The following RNF13 variants were observed in gnomAD, a reference collection of about 807,000 sequenced individuals.
RNF13 encodes the protein E3 ubiquitin-protein ligase RNF13.
A neutral mutation model predicts 37.7 loss-of-function variants in RNF13; 19 were observed. The ratio of observed to expected loss-of-function variants is 0.50; its 90% CI spans 0.35 to 0.74. The LOEUF is 0.74. RNF13 is among the 30% of genes least tolerant of loss of function. RNF13 has a pLI of 0.01. For missense variants in RNF13, 375 were observed against 453.0 expected (o/e 0.83, Z 1.56); for synonymous variants, 144 against 157.8 (o/e 0.91, Z 0.65).
chr3:149,875,993 A>T (rs1712647072), intron 4 of RNF13, among the ~76,000 whole-genome samples: 1 of 31,062 alleles, frequency 3.2e-5, no homozygotes. Context: ...ATCTGTAAAA[A>T]TACCTAGTAA....
chr3:149,946,638 CTA>C (rs1720794214), intron 8 of RNF13, among the ~76,000 whole-genome samples: 1 of 152,080 alleles, frequency 6.6e-6, no homozygotes, highest in African/African-American at 2.4e-5. Context: ...CTTTTTATTT[CTA>C]TGACATCAGT....
upstream of RNF13, chr3:149,812,963 G>C (rs1165380573): frequency 6.6e-6 from 1 of 152,584 alleles, no homozygotes; most frequent in East Asian, 1.9e-4. Flanking sequence ...CCTCTGCCAA[G>C]AGCAGCTTCT....
intron 8 of RNF13, among the ~76,000 whole-genome samples, chr3:149,946,633 T>G (rs1720793954): frequency 6.7e-6 from 1 of 148,500 alleles, no homozygotes; most frequent in East Asian, 1.9e-4. Flanking sequence ...TAATTCTTTT[T>G]ATTTCTATGA....
intron 1 of RNF13, among the ~76,000 whole-genome samples, chr3:149,820,015 C>T (rs1719867516): frequency 6.6e-6 from 1 of 151,930 alleles, no homozygotes; most frequent in Non-Finnish European, 1.5e-5. Context: ...AATATTCAGA[C>T]ATTAAAACAT....
At chr3:149,945,538 A>G (rs941038490) in intron 8 of RNF13, among the ~76,000 whole-genome samples, 8 of 152,204 alleles carry the variant, frequency 5.3e-5, no homozygotes, top group Non-Finnish European at 8.8e-5. Context: ...GCAGACTTAA[A>G]TGTCCCTGTC....
At chr3:149,895,121 C>T (rs1387364384) in intron 4 of RNF13, 1 of 160,632 alleles carries the variant, frequency 6.2e-6, no homozygotes, top group African/African-American at 2.4e-5. Context: ...GTGTGTTAGG[C>T]ATGGTATTAA....
At chr3:149,851,072 C>A (rs1723076608) in intron 2 of RNF13, 1 of 152,170 alleles carries the variant, frequency 6.6e-6, no homozygotes, top group Admixed American at 6.5e-5. Context: ...CACACAGTTT[C>A]CTGAGCTAAT....
intron 8 of RNF13, among the ~76,000 whole-genome samples, chr3:149,948,099 G>A (rs780910858): frequency 3.9e-5 from 6 of 152,084 alleles, no homozygotes; most frequent in Admixed American, 2.0e-4. Context: ...ACAGGCACAC[G>A]CCACCATGTC....
chr3:149,874,373 A>G (rs1157892939), intron 4 of RNF13, among the ~76,000 whole-genome samples: 1 of 152,114 alleles, frequency 6.6e-6, no homozygotes, highest in Non-Finnish European at 1.5e-5. Context: ...TAGCAGTATG[A>G]TCTTGGACAA....
chr3:149,938,533 CCTCT>C (rs1017775415), intron 8 of RNF13, among the ~76,000 whole-genome samples: 2 of 150,266 alleles, frequency 1.3e-5, no homozygotes, highest in Non-Finnish European at 3.0e-5. Context: ...TTATGTAATG[CCTCT>C]CTATCTGTGA....
chr3:149,861,054 G>A (rs1724200971), intron 3 of RNF13, among the ~76,000 whole-genome samples: 1 of 151,990 alleles, frequency 6.6e-6, no homozygotes, highest in African/African-American at 2.4e-5. Flanking sequence ...CAAAACCACA[G>A]CGAGATAGCA....
At position 149,828,096 on chromosome 3, in the gene RNF13, T is replaced by C. The variant is rs144335928; in HGVS notation, c.-17+14743T>C. Among the ~76,000 whole-genome samples, 541 of 152,334 alleles carry C rather than the reference T, an allele frequency of 3.6e-3. 2 individuals are homozygous for C. Among genetic ancestry groups the C allele is most frequent in the Admixed American group, 7.1e-3 (109 of 15,296 alleles). On this transcript the variant is annotated intron_variant, in intron 1 of 9. Transcript: ENST00000392894. ...CGAGTCATTGGACTTCTCAGCTTTT[T>C]GTTCAGAAATTGCAAAAATTAAAGG...
intron 1 of RNF13, among the ~76,000 whole-genome samples, chr3:149,841,490 C>T (rs573471996): frequency 6.6e-6 from 1 of 152,232 alleles, no homozygotes; most frequent in African/African-American, 2.4e-5. Flanking sequence ...TATTTTAGTT[C>T]CTGGGTAACA....
In RNF13 at chr3:149,955,317, G is replaced by T. The variant is rs1048689845; in HGVS notation, c.701-4739G>T. Among the ~76,000 whole-genome samples, 48 of 151,412 alleles carry T rather than the reference G, an allele frequency of 3.2e-4. 2 individuals carry two copies. The highest frequency in any genetic ancestry group is 3.0e-3 in the Admixed American group (46 of 15,210). On this transcript the variant is annotated intron_variant, in intron 8 of 9. Coordinates refer to ENST00000392894, the MANE Select transcript of RNF13 (RefSeq NM_183381.3). ...ATAAAATTTTACTCTAGCTATTAAA[G>T]ACTTCTTTTTTTATAACTACATTTT...
intron 8 of RNF13, among the ~76,000 whole-genome samples, chr3:149,951,441 G>A (rs1721324942): frequency 1.3e-5 from 2 of 152,184 alleles, no homozygotes; most frequent in Non-Finnish European, 2.9e-5. Flanking sequence ...CATGTCCAGA[G>A]ATAAAGATCC....
chr3:149,909,546 GC>G (rs1282287688), intron 6 of RNF13, among the ~76,000 whole-genome samples: 1 of 151,072 alleles, frequency 6.6e-6, no homozygotes, highest in African/African-American at 2.4e-5. Context: ...ACCCACCGTG[GC>G]CTCCCAAAGT....
At chr3:149,959,453 GCAATATTAATAGTATACC>G (rs1188765714) in intron 8 of RNF13, among the ~76,000 whole-genome samples, 1 of 152,150 alleles carries the variant, frequency 6.6e-6, no homozygotes, top group Non-Finnish European at 1.5e-5. Flanking sequence ...AATTAAAGTG[GCAATATTAATAGTATACC>G]CTTTATTGAA....
rs1043963198 is a variant in RNF13 at position 149,915,935 on chromosome 3, T to C, written c.606+3852T>C. On this transcript the variant is annotated intron_variant, in intron 7 of 9. Coordinates refer to ENST00000392894, the MANE Select transcript of RNF13 (RefSeq NM_183381.3). ...GATGGTAGTGATGGTAGCACAACAGTATGAATGTACTTAAGCCATCGAACT... is the reference window on the plus strand; with the variant it reads ...GATGGTAGTGATGGTAGCACAACAGCATGAATGTACTTAAGCCATCGAACT... 3.3e-5 allele frequency among the ~76,000 whole-genome samples: 5 copies of C among 152,274 alleles called. No individual in the cohort carries two copies. In the South Asian group the frequency reaches 8.3e-4, roughly 25 times the overall value.
intron 4 of RNF13, among the ~76,000 whole-genome samples, chr3:149,889,647 C>T (rs1714477599): frequency 6.7e-6 from 1 of 148,870 alleles, no homozygotes; most frequent in South Asian, 2.1e-4. Flanking sequence ...TGCTGAAAAT[C>T]TGACAATTTT....
Sources: gnomAD v4.1 joint callset for allele counts (sites outside exome capture counted in the v4.1 genomes callset) on GRCh38, gnomAD v4.1.1 for gene constraint, MANE v1.5 for transcripts, NCBI Gene and HGNC (gene_info 2026-07-23, HGNC 2026-07-21) for gene names.